The following KIFC2 variants were observed in gnomAD, a reference collection of about 807,000 sequenced individuals.
The protein encoded by KIFC2 is kinesin-like protein KIFC2.
A neutral mutation model predicts 91.5 loss-of-function variants in KIFC2; 94 were observed. The ratio of observed to expected loss-of-function variants is 1.03; its 90% CI spans 0.87 to 1.22. The LOEUF (loss-of-function observed/expected upper bound fraction) is 1.22. Among genes scored for constraint, KIFC2 ranks in the 50% most tolerant of loss-of-function variants. The pLI is 0.00. For synonymous variants in KIFC2, 729 were observed against 503.9 expected (o/e 1.45, Z -5.98); for missense variants, 1,357 against 1,103.3 (o/e 1.23, Z -3.26).
chr8:144,473,495 T>A lies in KIFC2; in HGVS notation c.*106T>A. The A allele has an allele frequency of 7.0e-7, 1 of 1,423,874 alleles. No individual in the cohort carries two copies. The highest frequency in any genetic ancestry group is 9.2e-7 in the Non-Finnish European group (1 of 1,090,334). The allele number at this position is 1,423,874 out of a possible 1,614,324, so 88.2% of individuals were successfully genotyped here. ...CTCCCAGGGCACAAGCTCCCTAGCC[T>A]CTTTGGATCCATTGCCCCTGAGCTC... On this transcript the variant is annotated 3_prime_UTR_variant, in exon 18 of 18. Coordinates refer to ENST00000645548, the MANE Select transcript of KIFC2 (RefSeq NM_001369769.2).
intron 14 of KIFC2, 31 bp from the exon 15 acceptor site, chr8:144,472,330 C>G (rs371991558): frequency 2.5e-6 from 4 of 1,613,410 alleles, no homozygotes; most frequent in Non-Finnish European, 3.4e-6. Flanking sequence ...CCAGAGAATT[C>G]TGGAACCAAG....
At position 144,473,542 on chromosome 8, in the gene KIFC2, C is replaced by G; in HGVS notation, c.*153C>G. On this transcript the variant is annotated 3_prime_UTR_variant, in exon 18 of 18. Transcript: ENST00000645548. Reference sequence around the variant, plus strand: ...GCTCCCAGAGTCACCCCTCCACCTCCGCAGCCAGTGAAGTGTGTTGTGCCT... The same window carrying G: ...GCTCCCAGAGTCACCCCTCCACCTCGGCAGCCAGTGAAGTGTGTTGTGCCT... 1 of 1,204,302 alleles carries G rather than the reference C, an allele frequency of 8.3e-7. No individual in the cohort carries two copies. The highest frequency in any genetic ancestry group is 1.1e-6 in the Non-Finnish European group (1 of 897,742). The allele number at this position is 1,204,302 out of a possible 1,614,324, so 74.6% of individuals were successfully genotyped here.
In KIFC2 at chr8:144,468,813, G is replaced by C; in HGVS notation, c.1092G>C (p.Ser364=). ...VSTFTQSCQG[S]LSEARGQVSW... ...CCTTTACCCAGAGCTGTCAGGGTTC[G>C]CTGAGTGAGGCCCGGGGCCAGGTCA... Residue 364 remains serine, a synonymous_variant, in exon 10 of 18, where the codon TCG becomes TCC. Coordinates refer to ENST00000645548, the MANE Select transcript of KIFC2 (RefSeq NM_001369769.2). 6.2e-7 allele frequency: 1 copy of C among 1,613,846 alleles called. No individual in the cohort carries two copies. The highest frequency in any genetic ancestry group is 8.5e-7 in the Non-Finnish European group (1 of 1,179,904).
At chr8:144,470,045 T>G (rs1463148191) in intron 12 of KIFC2, among the ~76,000 whole-genome samples, 1 of 152,242 alleles carries the variant, frequency 6.6e-6, no homozygotes, top group Non-Finnish European at 1.5e-5. Context: ...CAGACACCTG[T>G]GGAAAAGCAG....
chr8:144,473,479 C>T lies in KIFC2; in HGVS notation c.*90C>T. ...AGTCCCTGTACCCCGTCTCCCAGGGCACAAGCTCCCTAGCCTCTTTGGATC... is the reference window on the plus strand; with the variant it reads ...AGTCCCTGTACCCCGTCTCCCAGGGTACAAGCTCCCTAGCCTCTTTGGATC... On this transcript the variant is annotated 3_prime_UTR_variant, in exon 18 of 18. Coordinates refer to ENST00000645548, the MANE Select transcript of KIFC2 (RefSeq NM_001369769.2). 4 of 1,451,470 alleles carry T rather than the reference C, an allele frequency of 2.8e-6. No individual in the cohort carries two copies. Among genetic ancestry groups the T allele is most frequent in the Non-Finnish European group, 3.6e-6 (4 of 1,104,694 alleles). The allele number at this position is 1,451,470 out of a possible 1,614,324, so 89.9% of individuals were successfully genotyped here. A position where few individuals can be genotyped will look rare whatever the true frequency, so the allele number is the denominator to read the frequency against.
chr8:144,467,739 A>G lies in KIFC2; in HGVS notation c.641A>G (p.Glu214Gly). 6.2e-7 allele frequency: 1 copy of G among 1,613,894 alleles called. No individual in the cohort carries two copies. The highest frequency in any genetic ancestry group is 8.5e-7 in the Non-Finnish European group (1 of 1,179,986). ...CTGGAGGAGCTGAAGCAGCAGCTGG[A>G]ACAGCAGGAGGAGGAGTTGGGTCGA... is the stretch of plus-strand genomic sequence containing the variant. ...GQLEELKQQL[E>G]QQEEELGRLR... is the part of the protein sequence containing the mutation. The change falls in exon 6 of 18, where the codon GAA (glutamate) becomes GGA (glycine). Residue 214 changes from glutamate (E) to glycine (G), a missense_variant. Glu to Gly is a moderately conservative substitution (Grantham distance 98, BLOSUM62 -2). Transcript: ENST00000645548.
intron 7 of KIFC2, 150 bp from the exon 8 acceptor site, chr8:144,468,179 A>G: frequency 2.0e-6 from 2 of 1,022,680 alleles, no homozygotes; most frequent in Non-Finnish European, 2.8e-6. Context: ...CCAGGAGAGC[A>G]GAGGGACTGT....
chr8:144,471,436 G>T (rs183483270), intron 12 of KIFC2, among the ~76,000 whole-genome samples: 1 of 151,402 alleles, frequency 6.6e-6, no homozygotes, highest in Non-Finnish European at 1.5e-5. Context: ...TCAGCCTCCC[G>T]AGTAGCTGGG....
Position 144,472,698 on chromosome 8 carries a change from G to T in KIFC2, c.1853G>T (p.Gly618Val), listed in dbSNP as rs748321457. 10 of 1,594,564 alleles carry T rather than the reference G, an allele frequency of 6.3e-6. No individual in the cohort carries two copies. In the East Asian group the frequency reaches 2.2e-4, roughly 36 times the overall value. ...GCGGCGTCTCCACCGCGCGCTCCAG[G>T]CACCGCAGGTACCACGGCCGGTGCC... The part of the protein sequence containing the change: ...LRAASPPRAP[G>V]TAGTLHLVDL... The change falls in exon 16 of 18, where the codon GGC (glycine) becomes GTC (valine). Residue 618 changes from glycine to valine, a missense_variant. Coordinates refer to ENST00000645548, the MANE Select transcript of KIFC2 (RefSeq NM_001369769.2).
chr8:144,468,894 A>C (rs1824807391), intron 10 of KIFC2, 60 bp downstream of exon 10: 1 of 1,411,708 alleles, frequency 7.1e-7, no homozygotes, highest in South Asian at 1.2e-5. Context: ...TGTTCTTTTG[A>C]CGGGGGCGTT....
chr8:144,466,395 G>A lies in KIFC2; in HGVS notation c.-25G>A, dbSNP rs937733264. On this transcript the variant is annotated 5_prime_UTR_variant, in exon 1 of 18. Transcript: ENST00000645548. ...CGGGGACGCGGGGCGGCGCGAAGCGGGGCCCTCTGCCGCCCCGCGCTCCCA... is the reference window on the plus strand; with the variant it reads ...CGGGGACGCGGGGCGGCGCGAAGCGAGGCCCTCTGCCGCCCCGCGCTCCCA... 32 of 1,091,314 alleles carry A rather than the reference G, an allele frequency of 2.9e-5. No individual in the cohort carries two copies. The highest frequency in any genetic ancestry group is 3.6e-5 in the Non-Finnish European group (30 of 840,498). 67.6% of individuals were successfully genotyped at this position (1,091,314 alleles called of 1,614,324 possible).
In KIFC2 at chr8:144,469,640, A is replaced by G; in HGVS notation, c.1373A>G (p.Gln458Arg). Reference sequence around the variant, plus strand: ...TGGGTCTTCCCTCCAGACGCCAGCCAGGAGGAGGTGACAGCCTGCCTTTGC... The same window carrying G: ...TGGGTCTTCCCTCCAGACGCCAGCCGGGAGGAGGTGACAGCCTGCCTTTGC... ...LDWVFPPDAS[Q>R]EEVFRELEPA... The change falls in exon 12 of 18, where the codon CAG (glutamine) becomes CGG (arginine). Residue 458 changes from glutamine (Q) to arginine (R), a missense_variant. By Grantham distance (43) the Gln-to-Arg change is conservative. Coordinates refer to ENST00000645548, the MANE Select transcript of KIFC2 (RefSeq NM_001369769.2). 1 of 1,597,184 alleles carries G rather than the reference A, an allele frequency of 6.3e-7. No homozygotes were observed. Among genetic ancestry groups the G allele is most frequent in the Non-Finnish European group, 8.5e-7 (1 of 1,172,432 alleles).
chr8:144,471,787 G>C (rs969630796), intron 12 of KIFC2, among the ~76,000 whole-genome samples, 155 bp from the exon 13 acceptor site: 1 of 152,116 alleles, frequency 6.6e-6, no homozygotes, highest in East Asian at 1.9e-4. Flanking sequence ...GAGGGTCTCT[G>C]TAGGACACAC....
rs779652072 is a variant in KIFC2, at chr8:144,472,107, G to C, written c.1486-31G>C. 5.0e-6 allele frequency: 8 copies of C among 1,613,028 alleles called. No homozygotes were observed. In the South Asian group the frequency reaches 8.8e-5, roughly 18 times the overall value. On this transcript the variant is annotated intron_variant, in intron 13 of 17. Coordinates refer to ENST00000645548, the MANE Select transcript of KIFC2 (RefSeq NM_001369769.2). ...CAGGGGCCCTGCATGACTTGGATGTGAGCCCGGTGTGCACCCCACCCCATC... is the reference window on the plus strand; with the variant it reads ...CAGGGGCCCTGCATGACTTGGATGTCAGCCCGGTGTGCACCCCACCCCATC...
intron 12 of KIFC2, 79 bp from the exon 13 acceptor site, chr8:144,471,863 G>A (rs1235184751): frequency 2.8e-5 from 37 of 1,311,948 alleles, no homozygotes; most frequent in Non-Finnish European, 3.7e-5. Flanking sequence ...CTGCCTTCGT[G>A]GCACTCCCCA....
rs930388097 is a variant in KIFC2, at chr8:144,469,202, C to G, written c.1114-69C>G. The G allele has an allele frequency of 1.2e-5, 15 of 1,288,748 alleles. No individual in the cohort carries two copies. In the East Asian group the frequency reaches 1.3e-4, roughly 11 times the overall value. The allele number at this position is 1,288,748 out of a possible 1,614,324, so 79.8% of individuals were successfully genotyped here. ...TGGGGGCTCCCTGCTGCTCTCAGGA[C>G]CCTCCCACCCCCCACCTCCGCAGCT... On this transcript the variant is annotated intron_variant, in intron 10 of 17. Coordinates refer to ENST00000645548, the MANE Select transcript of KIFC2 (RefSeq NM_001369769.2).
At chr8:144,468,493 G>A (rs1824784196) in intron 8 of KIFC2, 43 bp from the exon 9 acceptor site, 1 of 1,538,638 alleles carries the variant, frequency 6.5e-7, no homozygotes, top group East Asian at 2.3e-5. Flanking sequence ...GGCCTGGTAA[G>A]TGCCTGTTTC....
At chr8:144,471,223 A>G (rs906618433) in intron 12 of KIFC2, among the ~76,000 whole-genome samples, 8 of 151,824 alleles carry the variant, frequency 5.3e-5, no homozygotes, top group African/African-American at 1.9e-4. Context: ...TTGGCCTCCC[A>G]AAGTGCTGGG....
Position 144,473,619 on chromosome 8 carries a change from G to A in KIFC2, c.*230G>A. 3.4e-6 allele frequency: 2 copies of A among 582,120 alleles called. No homozygotes were observed. The highest frequency in any genetic ancestry group is 5.6e-6 in the Non-Finnish European group (2 of 357,792). The allele number at this position is 582,120 out of a possible 1,614,324, so 36.1% of individuals were successfully genotyped here. On this transcript the variant is annotated 3_prime_UTR_variant, in exon 18 of 18. Transcript: ENST00000645548. ...GCCCTGCATCAGGCCACAGGTCTTG[G>A]CTTTCTCCTTATCACCATTTGCTGT...
Sources: allele counts gnomAD v4.1 joint callset (sites outside exome capture counted in the v4.1 genomes callset), GRCh38; gene constraint gnomAD v4.1.1; transcripts MANE v1.5; gene names NCBI Gene and HGNC (gene_info 2026-07-23, HGNC 2026-07-21).